Variants in ATP13A3 observed in about 807,000 individuals in gnomAD.
ATP13A3 encodes ATPase 13A3, also known as polyamine-transporting ATPase 13A3.
In ATP13A3, 59 loss-of-function variants were observed where a neutral mutation model predicts 158.1. That is an observed-to-expected ratio of 0.37 (90% CI 0.30 to 0.46). ATP13A3 has a LOEUF of 0.46. ATP13A3 is among the 20% of genes least tolerant of loss of function. The pLI, the probability that ATP13A3 is intolerant of heterozygous loss-of-function variation, is 1.00. For missense variants in ATP13A3, 1,166 were observed against 1,525.2 expected (o/e 0.76, Z 3.92); for synonymous variants, 491 against 504.3 (o/e 0.97, Z 0.35).
chr3:194,479,103 G>A (rs929062321), intron 2 of ATP13A3, among the ~76,000 whole-genome samples: 1 of 152,102 alleles, frequency 6.6e-6, no homozygotes, highest in African/African-American at 2.4e-5. Flanking sequence ...ATTGGGGCGG[G>A]GGGTACTCTT....
chr3:194,490,186 G>C (rs1381441336), upstream of ATP13A3, among the ~76,000 whole-genome samples: 2 of 152,098 alleles, frequency 1.3e-5, no homozygotes, highest in African/African-American at 4.8e-5. The surrounding 1 kb of genome is among the most constrained non-coding windows in gnomAD (Gnocchi z 4.4). Context: ...ACCATCAAGA[G>C]GAAAAATCCT....
At chr3:194,418,708 A>G (rs59748070) in intron 31 of ATP13A3, among the ~76,000 whole-genome samples, 31,329 of 152,226 alleles carry the variant, frequency 0.21, 4,094 homozygotes, top group Admixed American at 0.31. Flanking sequence ...TGATACAATC[A>G]CTTTGGAAAA....
chr3:194,458,222 G>A (rs1719380460), intron 6 of ATP13A3, among the ~76,000 whole-genome samples: 1 of 151,866 alleles, frequency 6.6e-6, no homozygotes. Context: ...AATCAATGGA[G>A]TAAGTTTAAA....
Position 194,405,961 on chromosome 3 carries a change from T to G in ATP13A3, c.3729A>C (p.Leu1243Phe). The G allele has an allele frequency of 6.2e-7, 1 of 1,614,188 alleles. No homozygotes were observed. Among genetic ancestry groups the G allele is most frequent in the Non-Finnish European group, 8.5e-7 (1 of 1,180,034 alleles). Residue 1243 changes from leucine to phenylalanine, a missense_variant, in exon 34 of 34, where the codon TTA (leucine) becomes TTC (phenylalanine). Leu to Phe is a conservative substitution (Grantham distance 22). Coordinates refer to ENST00000645319, the MANE Select transcript of ATP13A3 (RefSeq NM_001367549.1). ...TTTGACATGATCCATTCTCCTTAAC[T>G]AAAGCTTTAGCTTCTGTGGTTGTCT... ...KPQTTTEAKALVKENGSCQII... is the reference protein window; with the variant it reads ...KPQTTTEAKAFVKENGSCQII...
intron 2 of ATP13A3, among the ~76,000 whole-genome samples, chr3:194,477,041 G>A (rs1206567249): frequency 6.6e-6 from 1 of 152,166 alleles, no homozygotes; most frequent in Non-Finnish European, 1.5e-5. Flanking sequence ...AACCTTACAT[G>A]TCATTCATTT....
At chr3:194,423,650 A>G (rs1287228457) in intron 30 of ATP13A3, among the ~76,000 whole-genome samples, 4 of 152,234 alleles carry the variant, frequency 2.6e-5, no homozygotes, top group African/African-American at 9.6e-5. Context: ...TTATGGTTAT[A>G]TTTCTGCTAA....
At chr3:194,491,539 A>C (rs1721145579), upstream of ATP13A3, among the ~76,000 whole-genome samples, 1 of 121,888 alleles carries the variant, frequency 8.2e-6, no homozygotes, top group African/African-American at 3.4e-5. Flanking sequence ...CTCCACTCTC[A>C]CCTGGCATGC....
chr3:194,433,773 T>C lies in ATP13A3; in HGVS notation c.2244A>G (p.Thr748=), dbSNP rs1717422351. 2 of 1,613,920 alleles carry C rather than the reference T, an allele frequency of 1.2e-6. No homozygotes were observed. Among genetic ancestry groups the C allele is most frequent in the Non-Finnish European group, 1.7e-6 (2 of 1,179,966 alleles). ...HKANIRTVMV[T]GDSMLTAVSV... ...CTGTGTTCTTTTATAAAGTCTAACC[T>C]GTGACCATGACGGTGCGAATGTTGG... The change falls in exon 21 of 34, where the codon ACA becomes ACG. Residue 748 remains threonine (T), a splice_region_variant and synonymous_variant. Coordinates refer to ENST00000645319, the MANE Select transcript of ATP13A3 (RefSeq NM_001367549.1).
At chr3:194,471,153 T>A (rs73073141) in intron 2 of ATP13A3, among the ~76,000 whole-genome samples, 4,274 of 152,018 alleles carry the variant, frequency 0.028, 136 homozygotes, top group African/African-American at 0.076. Flanking sequence ...TGGTGCTCTA[T>A]CAGACCATTC....
intron 31 of ATP13A3, among the ~76,000 whole-genome samples, chr3:194,415,099 A>G (rs1715727272): frequency 6.6e-6 from 1 of 152,354 alleles, no homozygotes; most frequent in East Asian, 1.9e-4. Flanking sequence ...CTGGAGAGTC[A>G]GAGCTAAGAA....
intron 9 of ATP13A3, 28 bp from the exon 10 acceptor site, chr3:194,453,806 T>C (rs769584643): frequency 6.3e-7 from 1 of 1,581,550 alleles, no homozygotes; most frequent in Non-Finnish European, 8.7e-7. Context: ...AGTTAGAAAC[T>C]AGCCAATATG....
In ATP13A3 at chr3:194,405,161, AT is replaced by A. The variant is rs1261319334; in HGVS notation, c.*757del. 2 of 152,262 alleles carry A rather than the reference AT, an allele frequency of 1.3e-5. No homozygotes were observed. Among genetic ancestry groups the A allele is most frequent in the African/African-American group, 4.8e-5 (2 of 41,466 alleles). 9.4% of individuals were successfully genotyped at this position (152,262 alleles called of 1,614,324 possible). A position where few individuals can be genotyped will look rare whatever the true frequency, so the allele number is the denominator to read the frequency against. ...TTCCTAGTGAAAAAGGTTCTACAAC[AT>A]TTAACAGAAGCAAATTAGACTGCCA... On this transcript the variant is annotated 3_prime_UTR_variant, in exon 34 of 34. Transcript: ENST00000645319.
chr3:194,476,672 C>G (rs1252711596), intron 2 of ATP13A3, among the ~76,000 whole-genome samples: 1 of 152,136 alleles, frequency 6.6e-6, no homozygotes, highest in Non-Finnish European at 1.5e-5. Context: ...CCAGATATGA[C>G]CATTTCCCTC....
At chr3:194,441,114 G>A (rs1237562153) in intron 16 of ATP13A3, among the ~76,000 whole-genome samples, 197 bp downstream of exon 16, 1 of 152,114 alleles carries the variant, frequency 6.6e-6, no homozygotes, top group Non-Finnish European at 1.5e-5. Flanking sequence ...TACTAAATGG[G>A]TTAACTAAAA....
chr3:194,478,781 G>A (rs1720630633), intron 2 of ATP13A3, among the ~76,000 whole-genome samples: 1 of 152,180 alleles, frequency 6.6e-6, no homozygotes, highest in Non-Finnish European at 1.5e-5. Context: ...GGTATCCTCT[G>A]GACTTGTGCA....
In ATP13A3 at chr3:194,447,929, A is replaced by G; in HGVS notation, c.1231T>C (p.Tyr411His). The change falls in exon 13 of 34, where the codon TAC becomes CAC. Residue 411 changes from tyrosine (Y) to histidine (H), a missense_variant. Transcript: ENST00000645319. ...GCCACAAGACATAGTAGAAACAAGTAGGCATCTCTGTAGAGTTTAAAATCA... is the reference window on the plus strand; with the variant it reads ...GCCACAAGACATAGTAGAAACAAGTGGGCATCTCTGTAGAGTTTAAAATCA... ...PTDFKLYRDA[Y>H]LFLLCLVAVA... 1 of 1,610,494 alleles carries G rather than the reference A, an allele frequency of 6.2e-7. No individual in the cohort carries two copies. The highest frequency in any genetic ancestry group is 2.2e-5 in the East Asian group (1 of 44,836).
At position 194,447,844 on chromosome 3, in the gene ATP13A3, A is replaced by C. The variant is rs1577065802; in HGVS notation, c.1308+8T>G. ...GTTCAAACCCTATTAAGAGTCCCAC[A>C]TACATACCTCATTTAAAATGCTATT... is the stretch of plus-strand genomic sequence containing the variant. On this transcript the variant is annotated splice_region_variant and intron_variant, in intron 13 of 33. Coordinates refer to ENST00000645319, the MANE Select transcript of ATP13A3 (RefSeq NM_001367549.1). 6.2e-7 allele frequency: 1 copy of C among 1,603,430 alleles called. No individual in the cohort carries two copies. Among genetic ancestry groups the C allele is most frequent in the East Asian group, 2.2e-5 (1 of 44,768 alleles).
chr3:194,450,449 C>T (rs1237824461), intron 10 of ATP13A3, 173 bp from the exon 11 acceptor site: 2 of 607,822 alleles, frequency 3.3e-6, no homozygotes, highest in African/African-American at 3.7e-5. Flanking sequence ...GCTAACAAAG[C>T]ACGGTGTGTC....
chr3:194,424,738 T>C (rs1164117518), intron 30 of ATP13A3, among the ~76,000 whole-genome samples: 2 of 152,196 alleles, frequency 1.3e-5, no homozygotes, highest in Non-Finnish European at 2.9e-5. Flanking sequence ...TCAATCAAAA[T>C]GGTATATTCT....
Sources: gnomAD v4.1 joint callset for allele counts (sites outside exome capture counted in the v4.1 genomes callset) on GRCh38, gnomAD v4.1.1 for gene constraint, Gnocchi (gnomAD v3.1) non-coding constraint, MANE v1.5 for transcripts, NCBI Gene and HGNC (gene_info 2026-07-23, HGNC 2026-07-21) for gene names.